PDE3A: variants seen among roughly 807,000 people sequenced by gnomAD.
PDE3A encodes the protein phosphodiesterase 3A.
In PDE3A, 43 loss-of-function variants were observed where a neutral mutation model predicts 98.3. The ratio of observed to expected loss-of-function variants is 0.44; its 90% CI spans 0.34 to 0.56. The LOEUF (loss-of-function observed/expected upper bound fraction) is 0.56. Ranked by LOEUF, PDE3A falls within the 20% of genes least tolerant of loss-of-function variation. PDE3A has a pLI of 0.01. For synonymous variants in PDE3A, 663 were observed against 567.9 expected (o/e 1.17, Z -2.38); for missense variants, 1,427 against 1,440.7 (o/e 0.99, Z 0.15).
In PDE3A at chr12:20,483,825, A is replaced by C. The variant is rs116257666; in HGVS notation, c.961-72835A>C. Reference sequence around the variant, plus strand: ...AATCTCAACATGTTTTACTTCTCATAGCCTTTTATCTTCCAGATAAAATTA... The same window carrying C: ...AATCTCAACATGTTTTACTTCTCATCGCCTTTTATCTTCCAGATAAAATTA... On this transcript the variant is annotated intron_variant, in intron 1 of 15. Transcript: ENST00000359062. Among the ~76,000 whole-genome samples, 92 of 152,334 alleles carry C rather than the reference A, an allele frequency of 6.0e-4. 1 individual carries two copies. Among genetic ancestry groups the C allele is most frequent in the African/African-American group, 2.2e-3 (90 of 41,584 alleles).
intron 2 of PDE3A, chr12:20,572,082 C>A: frequency 8.1e-7 from 1 of 1,230,230 alleles, no homozygotes; most frequent in Non-Finnish European, 1.0e-6. Flanking sequence ...GAGAATCAGT[C>A]TAACAGAATC....
chr12:20,646,465 G>GTTC (rs1944779811), intron 10 of PDE3A, 25 bp from the exon 11 acceptor site: 2 of 1,244,936 alleles, frequency 1.6e-6, no homozygotes. Flanking sequence ...ATAAACTGAT[G>GTTC]ACTGTTCCTG....
chr12:20,452,655 G>A (rs1481203656), intron 1 of PDE3A, among the ~76,000 whole-genome samples: 5 of 152,176 alleles, frequency 3.3e-5, no homozygotes. Context: ...TTCCATCTCA[G>A]GGGATCTTAT....
chr12:20,618,391 T>C (rs1373574198), intron 4 of PDE3A, among the ~76,000 whole-genome samples: 3 of 150,954 alleles, frequency 2.0e-5, no homozygotes, highest in African/African-American at 7.3e-5. Flanking sequence ...TTATTGGGTT[T>C]CTTTGAGGAA....
chr12:20,533,129 A>G (rs951743860), intron 1 of PDE3A, among the ~76,000 whole-genome samples: 2 of 152,208 alleles, frequency 1.3e-5, no homozygotes, highest in Non-Finnish European at 2.9e-5. Flanking sequence ...GCATTTATGT[A>G]ATTAATTAGT....
chr12:20,457,634 A>T (rs962974938), intron 1 of PDE3A, among the ~76,000 whole-genome samples: 4 of 151,642 alleles, frequency 2.6e-5, no homozygotes, highest in African/African-American at 9.7e-5. Flanking sequence ...CAATGCAACT[A>T]GATAGAAAAG....
At chr12:20,434,484 C>T (rs1944748773) in intron 1 of PDE3A, among the ~76,000 whole-genome samples, 1 of 152,154 alleles carries the variant, frequency 6.6e-6, no homozygotes, top group South Asian at 2.1e-4. Context: ...CTTTTAGTAA[C>T]TCCTAGACCT....
chr12:20,668,017 G>A (rs899120532), intron 15 of PDE3A, among the ~76,000 whole-genome samples: 65 of 152,170 alleles, frequency 4.3e-4, no homozygotes, highest in Middle Eastern at 3.2e-3. Context: ...AAAGCAGGGC[G>A]AGGCATTGCC....
intron 1 of PDE3A, among the ~76,000 whole-genome samples, chr12:20,520,997 A>T (rs374537578): frequency 6.6e-6 from 1 of 152,204 alleles, no homozygotes; most frequent in Non-Finnish European, 1.5e-5. Context: ...CATGTCCTAC[A>T]GTTTGAACTA....
intron 1 of PDE3A, among the ~76,000 whole-genome samples, chr12:20,467,803 C>A (rs1156366230): frequency 5.3e-5 from 8 of 151,440 alleles, no homozygotes; most frequent in Non-Finnish European, 1.5e-5. Flanking sequence ...GGCATGGTGG[C>A]ACGCGCCTAT....
chr12:20,491,180 T>C (rs912566914), intron 1 of PDE3A, among the ~76,000 whole-genome samples: 8 of 152,234 alleles, frequency 5.3e-5, no homozygotes, highest in Non-Finnish European at 1.0e-4. Context: ...ATGGCATCTT[T>C]GCCGATTCAG....
In PDE3A at chr12:20,424,661, A is replaced by G. The variant is rs528984224; in HGVS notation, c.960+54417A>G. Among the ~76,000 whole-genome samples, 3 of 152,358 alleles carry G rather than the reference A, an allele frequency of 2.0e-5. No individual in the cohort carries two copies. The South Asian group carries it at 6.2e-4, about 32-fold the overall frequency. On this transcript the variant is annotated intron_variant, in intron 1 of 15. Transcript: ENST00000359062. ...GATTTATGTTGGAACTGCTAGGCATACGTGTCAGAATATCTACTTACCAGA... is the reference window on the plus strand; with the variant it reads ...GATTTATGTTGGAACTGCTAGGCATGCGTGTCAGAATATCTACTTACCAGA...
intron 15 of PDE3A, among the ~76,000 whole-genome samples, chr12:20,658,702 G>T (rs1267244047): frequency 6.6e-6 from 1 of 152,138 alleles, no homozygotes; most frequent in African/African-American, 2.4e-5. Context: ...AGGCCTGCCT[G>T]CTGGCCTACC....
At chr12:20,405,847 T>G (rs985358598) in intron 1 of PDE3A, among the ~76,000 whole-genome samples, 1 of 152,188 alleles carries the variant, frequency 6.6e-6, no homozygotes, top group Admixed American at 6.6e-5. Flanking sequence ...TTACTCATCT[T>G]GTAACTGAAA....
intron 9 of PDE3A, among the ~76,000 whole-genome samples, chr12:20,637,905 C>T (rs1944555093): frequency 6.6e-6 from 1 of 152,086 alleles, no homozygotes; most frequent in South Asian, 2.1e-4. Flanking sequence ...ATTTGCTGTA[C>T]TATGGAATAG....
In PDE3A at chr12:20,557,102, C is replaced by G. The variant is rs139946277; in HGVS notation, c.1011+392C>G. On this transcript the variant is annotated intron_variant, in intron 2 of 15. Coordinates refer to ENST00000359062, the MANE Select transcript of PDE3A (RefSeq NM_000921.5). ...TTTTGAAATATAATCAGACTAAACT[C>G]TGAACTAATTACAAGATTTTGTCTC... 4.9e-4 allele frequency: 94 copies of G among 191,564 alleles called. 2 individuals carry two copies. The East Asian group carries it at 0.015, about 31-fold the overall frequency. The allele number at this position is 191,564 out of a possible 1,614,324, so 11.9% of individuals were successfully genotyped here.
chr12:20,563,437 C>T (rs1295428012), intron 2 of PDE3A, among the ~76,000 whole-genome samples: 1 of 10,300 alleles, frequency 9.7e-5, no homozygotes, highest in Non-Finnish European at 7.4e-3. Context: ...ATTGGGAGCT[C>T]ATTATTAGTC....
intron 2 of PDE3A, among the ~76,000 whole-genome samples, chr12:20,574,091 C>T (rs992320911): frequency 7.2e-5 from 11 of 151,990 alleles, no homozygotes; most frequent in East Asian, 3.9e-4. Context: ...ACATTTGCAG[C>T]GGGACTGTTA....
intron 15 of PDE3A, among the ~76,000 whole-genome samples, chr12:20,665,203 A>T (rs772619234): frequency 6.6e-6 from 1 of 152,210 alleles, no homozygotes; most frequent in Non-Finnish European, 1.5e-5. Flanking sequence ...GCTGGCAAGC[A>T]TCATATTTAT....
Sources: allele counts gnomAD v4.1 joint callset (sites outside exome capture counted in the v4.1 genomes callset), GRCh38; gene constraint gnomAD v4.1.1; transcripts MANE v1.5; gene names NCBI Gene and HGNC (gene_info 2026-07-23, HGNC 2026-07-21).